Variants in THADA observed in about 807,000 individuals in gnomAD.
The protein encoded by THADA is THADA armadillo repeat containing.
A neutral mutation model predicts 219.8 loss-of-function variants in THADA; 213 were observed. That is an observed-to-expected ratio of 0.97 (90% CI 0.87 to 1.09). The LOEUF (loss-of-function observed/expected upper bound fraction) is 1.09, where lower values mean the gene tolerates loss of function less well. Ranked by LOEUF, THADA falls within the 50% of genes least tolerant of loss-of-function variation. The pLI is 0.00. For synonymous variants in THADA, 1,018 were observed against 828.9 expected (o/e 1.23, Z -3.92); for missense variants, 2,956 against 2,311.3 (o/e 1.28, Z -5.72).
At chr2:43,525,959 C>T (rs1693117066) in intron 22 of THADA, among the ~76,000 whole-genome samples, 1 of 152,182 alleles carries the variant, frequency 6.6e-6, no homozygotes, top group Non-Finnish European at 1.5e-5. Flanking sequence ...TACAATCTAT[C>T]TAACCTAACA....
intron 29 of THADA, among the ~76,000 whole-genome samples, chr2:43,348,228 C>T (rs1667860679): frequency 6.6e-6 from 1 of 152,196 alleles, no homozygotes; most frequent in Non-Finnish European, 1.5e-5. Flanking sequence ...TCCTGTAGGG[C>T]AAACAGTCAC....
intron 30 of THADA, among the ~76,000 whole-genome samples, chr2:43,321,217 C>T (rs1553388235): frequency 5.3e-5 from 8 of 152,258 alleles, no homozygotes; most frequent in Non-Finnish European, 5.9e-5. Flanking sequence ...GGCCTTGACT[C>T]TTGAGTGTCT....
At chr2:43,341,800 C>T (rs1197236501) in intron 30 of THADA, among the ~76,000 whole-genome samples, 2 of 152,278 alleles carry the variant, frequency 1.3e-5, no homozygotes, top group Middle Eastern at 3.4e-3. Flanking sequence ...TGGCAAACAG[C>T]TGAGGGTACT....
chr2:43,463,380 T>G (rs1683862125), intron 26 of THADA: 1 of 152,182 alleles, frequency 6.6e-6, no homozygotes, highest in Non-Finnish European at 1.5e-5. Context: ...TAAATAAAAG[T>G]GCTTCTAAAG....
chr2:43,588,962 G>A (rs569737316), intron 4 of THADA, among the ~76,000 whole-genome samples: 2 of 152,128 alleles, frequency 1.3e-5, no homozygotes, highest in East Asian at 1.9e-4. Flanking sequence ...CATATATATG[G>A]TACATTTAAA....
intron 29 of THADA, among the ~76,000 whole-genome samples, chr2:43,361,326 C>T (rs541724175): frequency 6.6e-6 from 1 of 152,284 alleles, no homozygotes; most frequent in African/African-American, 2.4e-5. Flanking sequence ...ATGAGGTTGC[C>T]ATGAAGTCTA....
intron 26 of THADA, among the ~76,000 whole-genome samples, chr2:43,446,637 C>T (rs538176766): frequency 2.5e-4 from 38 of 152,288 alleles, no homozygotes; most frequent in Non-Finnish European, 3.5e-4. Flanking sequence ...GCCTGCCACA[C>T]AGAATTGTGA....
intron 29 of THADA, among the ~76,000 whole-genome samples, chr2:43,388,596 A>C (rs1672978471): frequency 2.0e-5 from 3 of 152,242 alleles, no homozygotes; most frequent in Admixed American, 1.3e-4. Flanking sequence ...ATGTAATTCA[A>C]AACAAAACAG....
intron 14 of THADA, among the ~76,000 whole-genome samples, chr2:43,568,327 C>T (rs917672089): frequency 6.6e-6 from 1 of 152,128 alleles, no homozygotes; most frequent in Non-Finnish European, 1.5e-5. Flanking sequence ...AACTAATAGC[C>T]TCCTCTTCTC....
At chr2:43,479,347 T>C (rs1160690102) in intron 26 of THADA, among the ~76,000 whole-genome samples, 2 of 152,170 alleles carry the variant, frequency 1.3e-5, no homozygotes, top group Non-Finnish European at 2.9e-5. Context: ...TTACACAAAT[T>C]GCTTAACTTT....
chr2:43,509,686 C>G (rs557238522), intron 22 of THADA, among the ~76,000 whole-genome samples: 6 of 151,958 alleles, frequency 3.9e-5, no homozygotes, highest in African/African-American at 1.5e-4. Flanking sequence ...CAGATAACTT[C>G]AGTTACTGAC....
At chr2:43,514,775 AT>A (rs1465646963) in intron 22 of THADA, among the ~76,000 whole-genome samples, 1 of 91,872 alleles carries the variant, frequency 1.1e-5, no homozygotes, top group Non-Finnish European at 1.9e-5. Flanking sequence ...TATAATATAT[AT>A]TTTATATATA....
rs759261024 is a variant in THADA, at chr2:43,552,329, G to A, written c.2685C>T (p.Cys895=). The A allele has an allele frequency of 6.3e-7, 1 of 1,588,494 alleles. No homozygotes were observed. The highest frequency in any genetic ancestry group is 1.2e-5 in the South Asian group (1 of 86,110). ...CTTCTTCCTCAAGATTTTCCATCAA[G>A]CATTTGATAACTAGAAAAAGCAAAC... is the stretch of plus-strand genomic sequence containing the variant. ...VERNTLMVIK[C]LMENLEEEVS... The change falls in exon 18 of 38, where the codon TGC becomes TGT. Residue 895 remains cysteine (C), a synonymous_variant. Transcript: ENST00000405975.
chr2:43,493,069 C>A (rs910408994), intron 25 of THADA, among the ~76,000 whole-genome samples: 10 of 152,144 alleles, frequency 6.6e-5, no homozygotes, highest in African/African-American at 2.2e-4. Context: ...CTGGTGCCAA[C>A]AGAGGCACAG....
Position 43,398,080 on chromosome 2 carries a change from A to T in THADA, c.4118T>A (p.Phe1373Tyr). ...ATTAGGAATGTGATCTATCATAACA[A>T]ATGGGACCAAGGCACGAGCTGCCAT... ...REMAARALVP[F>Y]VMIDHIPNTI... The change falls in exon 29 of 38, where the codon TTT becomes TAT. Residue 1373 changes from phenylalanine to tyrosine, a missense_variant. Transcript: ENST00000405975. 1 of 1,614,038 alleles carries T rather than the reference A, an allele frequency of 6.2e-7. No individual in the cohort carries two copies. Among genetic ancestry groups the T allele is most frequent in the Non-Finnish European group, 8.5e-7 (1 of 1,179,874 alleles).
intron 21 of THADA, among the ~76,000 whole-genome samples, chr2:43,540,289 G>T (rs772631825): frequency 5.3e-5 from 8 of 152,114 alleles, no homozygotes; most frequent in Non-Finnish European, 8.8e-5. Flanking sequence ...TCATCTCAAG[G>T]CCTTGCAACA....
At chr2:43,422,949 C>T (rs140853581) in intron 28 of THADA, among the ~76,000 whole-genome samples, 18 of 152,214 alleles carry the variant, frequency 1.2e-4, no homozygotes, top group African/African-American at 3.9e-4. Context: ...CAGGCTATTT[C>T]GAATCTTACT....
chr2:43,268,371 C>G (rs1034954579), intron 36 of THADA, among the ~76,000 whole-genome samples: 1 of 152,132 alleles, frequency 6.6e-6, no homozygotes, highest in Non-Finnish European at 1.5e-5. Flanking sequence ...CCCAACATGC[C>G]ATTCTATCTC....
At chr2:43,438,219 G>A (rs926505439) in intron 26 of THADA, among the ~76,000 whole-genome samples, 12 of 147,570 alleles carry the variant, frequency 8.1e-5, no homozygotes, top group Non-Finnish European at 1.3e-4. Context: ...GGAGAATGGC[G>A]TGAACCCAGG....
Sources: gnomAD v4.1 joint callset for allele counts (sites outside exome capture counted in the v4.1 genomes callset) on GRCh38, gnomAD v4.1.1 for gene constraint, MANE v1.5 for transcripts, NCBI Gene and HGNC (gene_info 2026-07-23, HGNC 2026-07-21) for gene names.